The following ZBTB20 variants were observed in gnomAD, a reference collection of about 807,000 sequenced individuals.
The protein encoded by ZBTB20 is zinc finger and BTB domain-containing protein 20.
In ZBTB20, 9 loss-of-function variants were observed where a neutral mutation model predicts 56.9. That is an observed-to-expected ratio of 0.16 (90% CI 0.10 to 0.28). The LOEUF is 0.28. Ranked by LOEUF, ZBTB20 falls within the 10% of genes least tolerant of loss-of-function variation. The pLI is 1.00. For synonymous variants in ZBTB20, 417 were observed against 420.7 expected, an observed-to-expected ratio of 0.99 and a Z score of 0.11; for missense variants, 655 against 1,003.0, an observed-to-expected ratio of 0.65 and a Z score of 4.69.
In ZBTB20 at chr3:114,333,168, T is replaced by C. The variant is rs2079324766; in HGVS notation, c.*5837A>G. The stretch of plus-strand genomic sequence containing the variant: ...TCAGTGCTAGAAATGATGCTTTGGA[T>C]TAGTAGTTTCCACATTCTGAATTTA... On this transcript the variant is annotated 3_prime_UTR_variant, in exon 12 of 12. Transcript: ENST00000675478. 1 of 152,218 alleles carries C rather than the reference T, an allele frequency of 6.6e-6. No homozygotes were observed. Among genetic ancestry groups the C allele is most frequent in the Non-Finnish European group, 1.5e-5 (1 of 68,026 alleles). 9.4% of individuals were successfully genotyped at this position (152,218 alleles called of 1,614,324 possible). A position where few individuals can be genotyped will look rare whatever the true frequency, so the allele number is the denominator to read the frequency against.
At chr3:115,043,685 T>C (rs555386270) in intron 2 of ZBTB20, among the ~76,000 whole-genome samples, 74 of 152,060 alleles carry the variant, frequency 4.9e-4, no homozygotes, top group African/African-American at 1.7e-3. Context: ...ATCTAACATA[T>C]AGGAGTAGAA....
At chr3:114,731,581 AT>A (rs1249332077) in intron 5 of ZBTB20, among the ~76,000 whole-genome samples, 1 of 152,210 alleles carries the variant, frequency 6.6e-6, no homozygotes. Flanking sequence ...TGCCACAGGA[AT>A]CCCCTATATT....
chr3:115,115,023 T>A (rs957411395), intron 1 of ZBTB20, among the ~76,000 whole-genome samples: 1 of 152,118 alleles, frequency 6.6e-6, no homozygotes, highest in African/African-American at 2.4e-5. Context: ...TGGCCCATTC[T>A]CCATCTTATT....
intron 7 of ZBTB20, among the ~76,000 whole-genome samples, chr3:114,406,882 C>A (rs2683793): frequency 0.71 from 108,549 of 152,180 alleles, 39,950 homozygotes; most frequent in African/African-American, 0.91. Context: ...ATATATTCTA[C>A]ACATGTTTTT....
chr3:114,832,797 A>G (rs2073924229), intron 4 of ZBTB20, among the ~76,000 whole-genome samples: 1 of 152,180 alleles, frequency 6.6e-6, no homozygotes, highest in Non-Finnish European at 1.5e-5. Context: ...CTGTTAGTAC[A>G]TAAATATTAA....
chr3:114,367,807 A>G (rs2082579421), intron 10 of ZBTB20, among the ~76,000 whole-genome samples: 1 of 152,034 alleles, frequency 6.6e-6, no homozygotes, highest in South Asian at 2.1e-4. Context: ...ATGGGGGAAT[A>G]AAAGAAGGCA....
At chr3:114,436,105 G>T (rs148082250) in intron 7 of ZBTB20, among the ~76,000 whole-genome samples, 36 of 152,226 alleles carry the variant, frequency 2.4e-4, no homozygotes, top group African/African-American at 8.4e-4. Flanking sequence ...GCATTTCCTG[G>T]CAACAAATAC....
In ZBTB20 at chr3:114,323,251, G is replaced by T. The variant is rs1291137511; in HGVS notation, c.*15754C>A. The T allele has an allele frequency of 5.9e-5, 9 of 152,216 alleles. No homozygotes were observed. The highest frequency in any genetic ancestry group is 1.3e-4 in the Non-Finnish European group (9 of 68,040). 9.4% of individuals were successfully genotyped at this position (152,216 alleles called of 1,614,324 possible). A position where few individuals can be genotyped will look rare whatever the true frequency, so the allele number is the denominator to read the frequency against. The stretch of plus-strand genomic sequence containing the variant: ...CTTTTAGGCACTATTAAGGTCTTCT[G>T]CTTAGTAAGGATAGTCTATGATGGA... On this transcript the variant is annotated 3_prime_UTR_variant, in exon 12 of 12. Transcript: ENST00000675478.
chr3:114,815,751 G>A (rs145219130), intron 4 of ZBTB20, among the ~76,000 whole-genome samples: 2,289 of 151,852 alleles, frequency 0.015, 33 homozygotes, highest in Middle Eastern at 0.041. Flanking sequence ...ACGCACACAC[G>A]ACCGGCTACT....
At chr3:114,916,822 A>G (rs1426185690) in intron 3 of ZBTB20, among the ~76,000 whole-genome samples, 2 of 151,922 alleles carry the variant, frequency 1.3e-5, no homozygotes, top group Non-Finnish European at 2.9e-5. Flanking sequence ...CCTTTTCCTT[A>G]TATTTGACCT....
chr3:114,451,182 C>T (rs2091583372), intron 7 of ZBTB20, among the ~76,000 whole-genome samples: 1 of 141,414 alleles, frequency 7.1e-6, no homozygotes, highest in Non-Finnish European at 1.5e-5. Flanking sequence ...ATCTCTGATG[C>T]TTTCAAGCTT....
At chr3:114,343,799 G>A (rs2079978566) in intron 11 of ZBTB20, among the ~76,000 whole-genome samples, 3 of 152,046 alleles carry the variant, frequency 2.0e-5, no homozygotes, top group Admixed American at 2.0e-4. Context: ...TGTAATCCCT[G>A]TAACTTGGGA....
At chr3:114,663,977 C>A (rs1352911080) in intron 6 of ZBTB20, among the ~76,000 whole-genome samples, 2 of 151,932 alleles carry the variant, frequency 1.3e-5, no homozygotes, top group Non-Finnish European at 2.9e-5. Flanking sequence ...TTAGACAGAT[C>A]AACGAGACAG....
Position 114,949,019 on chromosome 3 carries a change from G to C in ZBTB20, c.-456+25347C>G, listed in dbSNP as rs1320339501. ...CACAGCTAAAAGATTTACACTACCA[G>C]ATATTAAGATTTCTTCTAAATGTTC... On this transcript the variant is annotated intron_variant, in intron 3 of 11. Transcript: ENST00000675478. Among the ~76,000 whole-genome samples the C allele has an allele frequency of 2.7e-5, 4 of 145,894 alleles. No individual in the cohort carries two copies. The East Asian group carries it at 7.7e-4, about 28-fold the overall frequency.
chr3:115,010,738 A>T (rs1036723135), intron 2 of ZBTB20, among the ~76,000 whole-genome samples: 3 of 151,930 alleles, frequency 2.0e-5, no homozygotes, highest in African/African-American at 4.8e-5. Flanking sequence ...ATGCCTGGAC[A>T]AACATCTATA....
At chr3:114,991,953 C>T (rs1005936510) in intron 2 of ZBTB20, among the ~76,000 whole-genome samples, 2 of 151,938 alleles carry the variant, frequency 1.3e-5, no homozygotes, top group African/African-American at 2.4e-5. Flanking sequence ...TTTCCATTTG[C>T]TCCGTAGATC....
Position 114,408,824 on chromosome 3 carries a change from C to T in ZBTB20, c.-254-19719G>A, listed in dbSNP as rs140831226. 2.6e-3 allele frequency among the ~76,000 whole-genome samples: 389 copies of T among 152,026 alleles called. 3 individuals carry two copies. The highest frequency in any genetic ancestry group is 4.3e-3 in the Non-Finnish European group (290 of 68,008). ...AGTAATACACTAAAAGAAGACAAAGCCTCAGAGTTAAAAATCCCCGGGAGA... is the reference window on the plus strand; with the variant it reads ...AGTAATACACTAAAAGAAGACAAAGTCTCAGAGTTAAAAATCCCCGGGAGA... On this transcript the variant is annotated intron_variant, in intron 7 of 11. Coordinates refer to ENST00000675478, the MANE Select transcript of ZBTB20 (RefSeq NM_001348800.3).
At chr3:114,765,516 C>A (rs1476438710) in intron 5 of ZBTB20, among the ~76,000 whole-genome samples, 1 of 152,112 alleles carries the variant, frequency 6.6e-6, no homozygotes, top group Non-Finnish European at 1.5e-5. Context: ...GATTCCCTCC[C>A]ACAACCCTCA....
intron 6 of ZBTB20, among the ~76,000 whole-genome samples, chr3:114,533,625 G>A (rs529647996): frequency 6.6e-6 from 1 of 152,126 alleles, no homozygotes; most frequent in Non-Finnish European, 1.5e-5. Context: ...TCAAATTCAG[G>A]AAATACAGAG....
Sources: gnomAD v4.1 joint callset for allele counts (sites outside exome capture counted in the v4.1 genomes callset) on GRCh38, gnomAD v4.1.1 for gene constraint, MANE v1.5 for transcripts, NCBI Gene and HGNC (gene_info 2026-07-23, HGNC 2026-07-21) for gene names.